ABCB5: variants seen among roughly 807,000 people sequenced by gnomAD.
ABCB5 encodes the protein ATP-binding cassette sub-family B member 5.
A neutral mutation model predicts 144.2 loss-of-function variants in ABCB5; 155 were observed. The ratio of observed to expected loss-of-function variants is 1.08; its 90% CI spans 0.94 to 1.23. The LOEUF is 1.23. Among genes scored for constraint, ABCB5 ranks in the 50% most tolerant of loss-of-function variants. The pLI is 0.00. For missense variants in ABCB5, 1,830 were observed against 1,520.8 expected (o/e 1.20, Z -3.38); for synonymous variants, 610 against 528.6 (o/e 1.15, Z -2.11).
At chr7:20,721,088 T>C (rs1039572521) in intron 20 of ABCB5, among the ~76,000 whole-genome samples, 2 of 152,086 alleles carry the variant, frequency 1.3e-5, no homozygotes, top group African/African-American at 4.8e-5. Context: ...CTGATAAAAC[T>C]TGAAGGAAGT....
At chr7:20,741,969 T>C (rs763018379) in intron 24 of ABCB5, among the ~76,000 whole-genome samples, 3 of 152,214 alleles carry the variant, frequency 2.0e-5, no homozygotes, top group Non-Finnish European at 4.4e-5. Flanking sequence ...TTTTTAAACA[T>C]CCTGGTGTAG....
chr7:20,685,800 C>A lies in ABCB5; in HGVS notation c.1974C>A (p.Phe658Leu), dbSNP rs1299364515. ...CTGTGAAGAGCATCAAGTCAGACTT[C>A]ATTGACAAGGCTGAGGAATCCACCC... ...LHSVKSIKSD[F>L]IDKAEESTQS... Residue 658 changes from phenylalanine to leucine, a missense_variant, in exon 16 of 28, where the codon TTC becomes TTA. Physicochemically the swap from Phe to Leu is conservative, Grantham distance 22. Transcript: ENST00000404938. 1.2e-6 allele frequency: 2 copies of A among 1,613,218 alleles called. No homozygotes were observed. Among genetic ancestry groups the A allele is most frequent in the Admixed American group, 1.7e-5 (1 of 59,870 alleles).
chr7:20,647,870 C>T, intron 10 of ABCB5, 98 bp from the exon 11 acceptor site: 3 of 1,089,106 alleles, frequency 2.8e-6, no homozygotes, highest in Non-Finnish European at 4.0e-6. Flanking sequence ...AGAAAGGAAA[C>T]TGTCATGGAA....
At chr7:20,656,111 T>C (rs7779761) in intron 13 of ABCB5, among the ~76,000 whole-genome samples, 54,682 of 151,980 alleles carry the variant, frequency 0.36, 10,580 homozygotes, top group African/African-American at 0.51. Context: ...ATGTGACCTT[T>C]ACTTTACATC....
rs34938819 is a variant in ABCB5 at position 20,712,158 on chromosome 7, C to CAA, written c.2421+7374_2421+7375dup. Among the ~76,000 whole-genome samples the CAA allele has an allele frequency of 8.7e-3, 454 of 52,426 alleles. 15 individuals are homozygous for CAA. The highest frequency in any genetic ancestry group is 0.015 in the East Asian group (21 of 1,432). The allele number at this position is 52,426 out of a possible 152,430, so 34.4% of individuals were successfully genotyped here. A position where few individuals can be genotyped will look rare whatever the true frequency, so the allele number is the denominator to read the frequency against. On this transcript the variant is annotated intron_variant, in intron 20 of 27. Transcript: ENST00000404938. ...CCTGGGTGACACAGCAAGACGCCGTCAAAAAAAAAAAAAAAAAAAAAAAAG... is the reference window on the plus strand; with the variant it reads ...CCTGGGTGACACAGCAAGACGCCGTCAAAAAAAAAAAAAAAAAAAAAAAAAAG...
Position 20,662,277 on chromosome 7 carries a change from T to A in ABCB5, c.1707+3601T>A, listed in dbSNP as rs113997124. Among the ~76,000 whole-genome samples, 873 of 152,328 alleles carry A rather than the reference T, an allele frequency of 5.7e-3. 6 individuals are homozygous for A. Among genetic ancestry groups the A allele is most frequent in the African/African-American group, 0.02 (836 of 41,580 alleles). ...CTTTATTGCAGCCCTCACGGGCACG[T>A]CTTAACCATCACTGTGCTTTCTCCC... On this transcript the variant is annotated intron_variant, in intron 14 of 27. Transcript: ENST00000404938.
At chr7:20,742,006 C>T (rs1782577168) in intron 24 of ABCB5, among the ~76,000 whole-genome samples, 1 of 149,616 alleles carries the variant, frequency 6.7e-6, no homozygotes, top group Non-Finnish European at 1.5e-5. Flanking sequence ...AAATCATTAA[C>T]CAGTAAAGAG....
chr7:20,636,739 C>T (rs985345164), intron 5 of ABCB5, among the ~76,000 whole-genome samples: 3 of 133,544 alleles, frequency 2.2e-5, no homozygotes. Flanking sequence ...GAGCTGAGAT[C>T]ACACCACTGC....
At chr7:20,682,127 C>A (rs1785851516) in intron 15 of ABCB5, among the ~76,000 whole-genome samples, 1 of 152,086 alleles carries the variant, frequency 6.6e-6, no homozygotes, top group South Asian at 2.1e-4. Context: ...ATTGCTTGAA[C>A]TAGGGAGTCG....
chr7:20,695,183 C>G (rs1043477501), intron 16 of ABCB5, among the ~76,000 whole-genome samples: 8 of 151,938 alleles, frequency 5.3e-5, no homozygotes, highest in African/African-American at 1.9e-4. Flanking sequence ...ACCTATAGAA[C>G]TATAGTAATC....
chr7:20,742,287 T>C (rs957506626), intron 24 of ABCB5, among the ~76,000 whole-genome samples: 1 of 152,140 alleles, frequency 6.6e-6, no homozygotes, highest in Admixed American at 6.5e-5. Context: ...GGTGGGAGGA[T>C]GGCTTGAGCC....
At chr7:20,707,353 T>G (rs185035879) in intron 20 of ABCB5, among the ~76,000 whole-genome samples, 1 of 152,194 alleles carries the variant, frequency 6.6e-6, no homozygotes, top group Admixed American at 6.5e-5. Flanking sequence ...TAGGACAACA[T>G]GATTCCTAGA....
In ABCB5 at chr7:20,714,801, A is replaced by G. The variant is rs563415305; in HGVS notation, c.2422-8215A>G. Among the ~76,000 whole-genome samples, 8 of 152,336 alleles carry G rather than the reference A, an allele frequency of 5.3e-5. No homozygotes were observed. In the South Asian group the frequency reaches 1.7e-3, roughly 32 times the overall value. On this transcript the variant is annotated intron_variant, in intron 20 of 27. Transcript: ENST00000404938. ...GTAGAAAGTTCTTGTGTCCCAAACA[A>G]AAAACTCAAATAGAGAAGCCTGTCT...
chr7:20,720,505 T>C (rs1439851837), intron 20 of ABCB5, among the ~76,000 whole-genome samples: 1 of 151,888 alleles, frequency 6.6e-6, no homozygotes, highest in Non-Finnish European at 1.5e-5. Context: ...CTTGATAGGA[T>C]GCAATGAGAA....
chr7:20,746,675 A>G (rs188467493), intron 26 of ABCB5, among the ~76,000 whole-genome samples: 3 of 152,368 alleles, frequency 2.0e-5, no homozygotes, highest in East Asian at 1.9e-4. Flanking sequence ...CTAACTGTAG[A>G]GAAGCCTTTG....
intron 15 of ABCB5, 123 bp downstream of exon 15, chr7:20,681,789 T>G: frequency 9.1e-7 from 1 of 1,100,450 alleles, no homozygotes. Flanking sequence ...AGGTTTATAG[T>G]TCCTCAGTAA....
chr7:20,619,306 C>T (rs993657785), intron 1 of ABCB5, among the ~76,000 whole-genome samples: 16 of 152,104 alleles, frequency 1.1e-4, no homozygotes, highest in Non-Finnish European at 2.4e-4. Context: ...TCCCACCAGC[C>T]TTATATAAGT....
In ABCB5 at chr7:20,647,589, T is replaced by C. The variant is rs765072510; in HGVS notation, c.1036T>C (p.Phe346Leu). ...SYCIGAAVPH[F>L]ETFAIARGAA... ...TTGCATTGGAGCAGCAGTCCCTCAC[T>C]TTGAAACCTTCGCAATAGCCCGAGG... Residue 346 changes from phenylalanine (F) to leucine (L), a missense_variant, in exon 10 of 28, where the codon TTT (phenylalanine) becomes CTT (leucine). Coordinates refer to ENST00000404938, the MANE Select transcript of ABCB5 (RefSeq NM_001163941.2). The C allele has an allele frequency of 4.8e-5, 76 of 1,590,586 alleles. No individual in the cohort carries two copies. Among genetic ancestry groups the C allele is most frequent in the Non-Finnish European group, 5.9e-5 (69 of 1,167,264 alleles).
chr7:20,703,510 C>T (rs1434981162), intron 19 of ABCB5, among the ~76,000 whole-genome samples: 1 of 152,220 alleles, frequency 6.6e-6, no homozygotes, highest in Non-Finnish European at 1.5e-5. Context: ...AAGTTTTCAT[C>T]TAACATATGA....
Sources: allele counts gnomAD v4.1 joint callset (sites outside exome capture counted in the v4.1 genomes callset), GRCh38; gene constraint gnomAD v4.1.1; transcripts MANE v1.5; gene names NCBI Gene and HGNC (gene_info 2026-07-23, HGNC 2026-07-21).